EMP2: variants seen among roughly 807,000 people sequenced by gnomAD.
The protein encoded by EMP2 is epithelial membrane protein 2.
In EMP2, 19 loss-of-function variants were observed where a neutral mutation model predicts 13.7. The ratio of observed to expected loss-of-function variants is 1.38; its 90% CI spans 0.97 to 2.03. EMP2 has a LOEUF of 2.03. Among genes scored for constraint, EMP2 ranks in the 30% most tolerant of loss-of-function variants. EMP2 has a pLI of 0.00. For missense variants in EMP2, 253 were observed against 220.7 expected (o/e 1.15, Z -0.93); for synonymous variants, 97 against 84.7 (o/e 1.15, Z -0.80).
At chr16:10,558,939 C>T (rs528173484) in intron 1 of EMP2, 2 of 152,328 alleles carry the variant, frequency 1.3e-5, no homozygotes, top group African/African-American at 4.8e-5. Context: ...GGAGCCTTTT[C>T]CCGGAACTGT....
intron 1 of EMP2, among the ~76,000 whole-genome samples, chr16:10,568,058 C>T (rs2050921109): frequency 1.3e-5 from 2 of 152,302 alleles, no homozygotes; most frequent in Non-Finnish European, 2.9e-5. Context: ...AAGACAGACA[C>T]AGAAAACACA....
chr16:10,548,597 G>C (rs1266046009), intron 1 of EMP2, among the ~76,000 whole-genome samples: 1 of 152,062 alleles, frequency 6.6e-6, no homozygotes. Context: ...GGTAAACTAA[G>C]ACAGAAGGAT....
intron 1 of EMP2, among the ~76,000 whole-genome samples, chr16:10,559,422 G>C (rs1451528530): frequency 6.6e-6 from 1 of 152,222 alleles, no homozygotes; most frequent in Admixed American, 6.5e-5. Context: ...TCAGCATTTG[G>C]CTCTCTCCGG....
In EMP2 at chr16:10,530,057, G is replaced by A. The variant is rs528224954; in HGVS notation, c.*2848C>T. 19 of 152,288 alleles carry A rather than the reference G, an allele frequency of 1.2e-4. No individual in the cohort carries two copies. Among genetic ancestry groups the A allele is most frequent in the African/African-American group, 4.6e-4 (19 of 41,560 alleles). The allele number at this position is 152,288 out of a possible 1,614,324, so 9.4% of individuals were successfully genotyped here. A position where few individuals can be genotyped will look rare whatever the true frequency, so the allele number is the denominator to read the frequency against. On this transcript the variant is annotated 3_prime_UTR_variant, in exon 5 of 5. Coordinates refer to ENST00000359543, the MANE Select transcript of EMP2 (RefSeq NM_001424.6). ...TTGGGTAGCATCCTGTTAACCCTAG[G>A]GGTGTAAGCCACATTCTTGCCCACA...
chr16:10,566,534 C>G (rs2050907938), intron 1 of EMP2, among the ~76,000 whole-genome samples: 1 of 152,208 alleles, frequency 6.6e-6, no homozygotes, highest in African/African-American at 2.4e-5. Flanking sequence ...CGCTTTCCCA[C>G]CAGTGATTTA....
chr16:10,536,437 G>A (rs937503696), intron 4 of EMP2, among the ~76,000 whole-genome samples: 12 of 152,126 alleles, frequency 7.9e-5, no homozygotes, highest in African/African-American at 2.9e-4. Context: ...CCCCCATACT[G>A]TTCTTGTGGT....
At chr16:10,572,415 C>T (rs561504466) in intron 1 of EMP2, among the ~76,000 whole-genome samples, 1 of 151,966 alleles carries the variant, frequency 6.6e-6, no homozygotes, top group Non-Finnish European at 1.5e-5. Context: ...CCACTACACT[C>T]CAGCCTGGGT....
At chr16:10,556,042 T>C (rs1567206555) in intron 1 of EMP2, among the ~76,000 whole-genome samples, 1 of 152,074 alleles carries the variant, frequency 6.6e-6, no homozygotes, top group South Asian at 2.1e-4. Context: ...TTGCACCCCA[T>C]CTCCTTCCTT....
intron 1 of EMP2, among the ~76,000 whole-genome samples, chr16:10,576,166 A>AT (rs949281149): frequency 4.6e-5 from 7 of 151,862 alleles, no homozygotes; most frequent in East Asian, 1.9e-4. Flanking sequence ...TGCTACTTAC[A>AT]TTTTTTCCCC....
chr16:10,545,510 T>G (rs2050732648), intron 2 of EMP2: 1 of 152,168 alleles, frequency 6.6e-6, no homozygotes, highest in African/African-American at 2.4e-5. Context: ...GGCATTAGAT[T>G]CTTATAGGAG....
At chr16:10,572,749 C>T (rs557124012) in intron 1 of EMP2, among the ~76,000 whole-genome samples, 17 of 152,300 alleles carry the variant, frequency 1.1e-4, no homozygotes, top group African/African-American at 3.6e-4. Context: ...TGTAGCACCC[C>T]GCAATCCAAT....
intron 1 of EMP2, among the ~76,000 whole-genome samples, chr16:10,564,486 G>C (rs1404472264): frequency 2.1e-5 from 2 of 93,746 alleles, no homozygotes; most frequent in Non-Finnish European, 3.9e-5. Context: ...GTGAGACTCT[G>C]TCTCAAAAAA....
rs201479541 is a variant in EMP2 at position 10,547,496 on chromosome 16, G to A, written c.78+44C>T. 6 of 1,601,834 alleles carry A rather than the reference G, an allele frequency of 3.7e-6. No individual in the cohort carries two copies. In the African/African-American group the frequency reaches 5.4e-5, roughly 14 times the overall value. On this transcript the variant is annotated intron_variant, in intron 2 of 4. Transcript: ENST00000359543. ...CCAATACAACCCACTTCTATTGACT[G>A]CAGGACCCAGGTTTCTGCGTGAGTG... is the stretch of plus-strand genomic sequence containing the variant.
At chr16:10,535,489 C>T (rs897405371) in intron 4 of EMP2, among the ~76,000 whole-genome samples, 3 of 152,146 alleles carry the variant, frequency 2.0e-5, no homozygotes, top group African/African-American at 7.2e-5. Flanking sequence ...AATCCCAACA[C>T]TTTGAGAGGC....
chr16:10,566,922 C>G (rs2050910440), intron 1 of EMP2, among the ~76,000 whole-genome samples: 2 of 152,104 alleles, frequency 1.3e-5, no homozygotes, highest in South Asian at 4.1e-4. Context: ...ACAAACCAAG[C>G]TCACCTCCCA....
intron 1 of EMP2, among the ~76,000 whole-genome samples, chr16:10,554,935 T>C (rs1020444209): frequency 6.6e-5 from 10 of 152,196 alleles, no homozygotes; most frequent in Non-Finnish European, 1.2e-4. Context: ...CCCCCTAGTT[T>C]ATTTTCTTTG....
intron 1 of EMP2, among the ~76,000 whole-genome samples, chr16:10,554,076 G>A (rs1224456767): frequency 6.8e-6 from 1 of 147,100 alleles, no homozygotes; most frequent in Non-Finnish European, 1.5e-5. Context: ...CTGTCACCCA[G>A]GCTGGAGTGC....
At chr16:10,572,844 T>C (rs1359812236) in intron 1 of EMP2, among the ~76,000 whole-genome samples, 2 of 152,144 alleles carry the variant, frequency 1.3e-5, no homozygotes, top group Non-Finnish European at 2.9e-5. Context: ...ATGCCACAGT[T>C]ACTAAGCACT....
chr16:10,563,754 A>C (rs530061163), intron 1 of EMP2, among the ~76,000 whole-genome samples: 1 of 152,244 alleles, frequency 6.6e-6, no homozygotes, highest in African/African-American at 2.4e-5. Flanking sequence ...ACTAGCAACC[A>C]CTCAGTGTCC....
Sources: allele counts gnomAD v4.1 joint callset (sites outside exome capture counted in the v4.1 genomes callset), GRCh38; gene constraint gnomAD v4.1.1; transcripts MANE v1.5; gene names NCBI Gene and HGNC (gene_info 2026-07-23, HGNC 2026-07-21).